STXBP5L: variants seen among roughly 807,000 people sequenced by gnomAD.
STXBP5L encodes syntaxin-binding protein 5-like.
A neutral mutation model predicts 144.5 loss-of-function variants in STXBP5L; 65 were observed. That is an observed-to-expected ratio of 0.45 (90% CI 0.37 to 0.55). The LOEUF is 0.55. Among genes scored for constraint, STXBP5L ranks in the 20% least tolerant of loss-of-function variants. The probability of loss-of-function intolerance (pLI) is 0.00; values close to 1 mark genes in which losing one functional copy is unlikely to be tolerated. For missense variants in STXBP5L, 1,298 were observed against 1,405.5 expected, an observed-to-expected ratio of 0.92 and a Z score of 1.22; for synonymous variants, 505 against 469.6, an observed-to-expected ratio of 1.08 and a Z score of -0.97.
chr3:121,289,124 T>A (rs338993), intron 19 of STXBP5L, among the ~76,000 whole-genome samples: 72,261 of 151,876 alleles, frequency 0.48, 17,743 homozygotes, highest in East Asian at 0.73. Context: ...CCCCAACACA[T>A]AAGGACTCAC....
At chr3:121,058,262 C>T (rs1252717920) in intron 5 of STXBP5L, among the ~76,000 whole-genome samples, 1 of 152,010 alleles carries the variant, frequency 6.6e-6, no homozygotes, top group Non-Finnish European at 1.5e-5. Context: ...TGCTGAGAAT[C>T]GTGGTTTCCA....
chr3:121,218,647 G>A (rs1306061681), intron 10 of STXBP5L, among the ~76,000 whole-genome samples: 2 of 151,900 alleles, frequency 1.3e-5, no homozygotes, highest in Non-Finnish European at 2.9e-5. Flanking sequence ...TCTTTGGCAA[G>A]GAGATGCCTG....
intron 14 of STXBP5L, among the ~76,000 whole-genome samples, chr3:121,247,048 A>C (rs2049876982): frequency 6.6e-6 from 1 of 152,078 alleles, no homozygotes. Context: ...CAAACTGTAC[A>C]CTCCCAGTGG....
chr3:121,273,068 T>C (rs952104933), intron 18 of STXBP5L, among the ~76,000 whole-genome samples: 8 of 152,132 alleles, frequency 5.3e-5, no homozygotes, highest in African/African-American at 1.7e-4. Context: ...TACTACAATA[T>C]TGTGAATTTA....
At chr3:121,295,654 C>G (rs1279662539) in intron 19 of STXBP5L, among the ~76,000 whole-genome samples, 3 of 152,108 alleles carry the variant, frequency 2.0e-5, no homozygotes, top group Non-Finnish European at 4.4e-5. Flanking sequence ...AAAACAGTCT[C>G]TCAACTAGGA....
chr3:121,160,057 T>C (rs1368187988), intron 9 of STXBP5L, among the ~76,000 whole-genome samples: 1 of 152,238 alleles, frequency 6.6e-6, no homozygotes, highest in African/African-American at 2.4e-5. Context: ...AACATTTCTC[T>C]TATAATGGAT....
chr3:121,297,625 A>T (rs1025003463), intron 19 of STXBP5L, among the ~76,000 whole-genome samples: 1 of 152,048 alleles, frequency 6.6e-6, no homozygotes, highest in Non-Finnish European at 1.5e-5. Context: ...GTGGTGGCTC[A>T]TGCCTGTAGT....
At chr3:121,405,231 AG>A (rs1481862574) in intron 22 of STXBP5L, among the ~76,000 whole-genome samples, 3 of 152,110 alleles carry the variant, frequency 2.0e-5, no homozygotes, top group Admixed American at 1.3e-4. Context: ...AGAGGTTGGC[AG>A]GGGATGCAAA....
At chr3:121,143,583 G>A (rs1285391254) in intron 7 of STXBP5L, among the ~76,000 whole-genome samples, 1 of 151,742 alleles carries the variant, frequency 6.6e-6, no homozygotes, top group African/African-American at 2.4e-5. Flanking sequence ...AATTAATGTA[G>A]TATGACAATT....
intron 10 of STXBP5L, among the ~76,000 whole-genome samples, chr3:121,216,724 C>CCCAG (rs2048789767): frequency 1.3e-5 from 2 of 152,214 alleles, no homozygotes; most frequent in African/African-American, 2.4e-5. Context: ...GCTGGGAGAT[C>CCCAG]TGCTGCTCTC....
At chr3:121,181,114 GA>G (rs2047130846) in intron 9 of STXBP5L, among the ~76,000 whole-genome samples, 1 of 94,418 alleles carries the variant, frequency 1.1e-5, no homozygotes, top group Admixed American at 1.5e-4. Flanking sequence ...AAGAAAAGAA[GA>G]AAACAAAAGA....
intron 22 of STXBP5L, among the ~76,000 whole-genome samples, chr3:121,389,083 A>C (rs1478510412): frequency 6.6e-6 from 1 of 152,212 alleles, no homozygotes; most frequent in Non-Finnish European, 1.5e-5. Context: ...TTATTGGTCT[A>C]TTCAGAGATT....
intron 9 of STXBP5L, among the ~76,000 whole-genome samples, chr3:121,202,249 T>A (rs1248283666): frequency 6.6e-6 from 1 of 152,184 alleles, no homozygotes; most frequent in Middle Eastern, 3.2e-3. Context: ...TTGCTTATCA[T>A]TTTTGGTTTT....
chr3:121,231,525 T>C (rs2049308167), intron 11 of STXBP5L, among the ~76,000 whole-genome samples: 1 of 152,216 alleles, frequency 6.6e-6, no homozygotes, highest in Admixed American at 6.5e-5. Context: ...AGAAGCATTT[T>C]CTTTGGCCAC....
chr3:121,001,455 G>A (rs1404090452), intron 3 of STXBP5L, among the ~76,000 whole-genome samples: 1 of 152,198 alleles, frequency 6.6e-6, no homozygotes, highest in Non-Finnish European at 1.5e-5. Context: ...TAAGCCACCT[G>A]GAACAGTGTG....
At chr3:121,254,070 C>G (rs1308624249) in intron 15 of STXBP5L, among the ~76,000 whole-genome samples, 1 of 152,100 alleles carries the variant, frequency 6.6e-6, no homozygotes, top group Non-Finnish European at 1.5e-5. Context: ...ATGACACTGA[C>G]ATTTTTGAGG....
chr3:121,005,215 G>A (rs1944178321), intron 3 of STXBP5L, among the ~76,000 whole-genome samples: 1 of 152,070 alleles, frequency 6.6e-6, no homozygotes, highest in Non-Finnish European at 1.5e-5. Flanking sequence ...ATTAATTATT[G>A]CCTCAATTTC....
At chr3:120,995,773 A>G (rs977474126) in intron 3 of STXBP5L, among the ~76,000 whole-genome samples, 1 of 152,148 alleles carries the variant, frequency 6.6e-6, no homozygotes, top group Non-Finnish European at 1.5e-5. Flanking sequence ...GGATTCAACA[A>G]TCAAATATGA....
chr3:121,017,444 A>C (rs1361702297), intron 3 of STXBP5L, among the ~76,000 whole-genome samples: 1 of 152,252 alleles, frequency 6.6e-6, no homozygotes, highest in African/African-American at 2.4e-5. Flanking sequence ...GCTGTAATAC[A>C]GTAAGATCAG....
Sources: allele counts gnomAD v4.1 joint callset (sites outside exome capture counted in the v4.1 genomes callset), GRCh38; gene constraint gnomAD v4.1.1; transcripts MANE v1.5; gene names NCBI Gene and HGNC (gene_info 2026-07-23, HGNC 2026-07-21).